Variants in NR5A2 observed in about 807,000 individuals in gnomAD.
NR5A2 encodes nuclear receptor subfamily 5 group A member 2, also known as CYP7A promoter-binding factor.
NR5A2 carries 26 observed loss-of-function variants against 62.7 expected under a neutral mutation model. That is an observed-to-expected ratio of 0.41 (90% CI 0.30 to 0.58). The LOEUF (loss-of-function observed/expected upper bound fraction) is 0.58. Ranked by LOEUF, NR5A2 falls within the 20% of genes least tolerant of loss-of-function variation. The probability of loss-of-function intolerance (pLI) is 0.22; values close to 1 mark genes in which losing one functional copy is unlikely to be tolerated. For synonymous variants in NR5A2, 246 were observed against 241.7 expected (o/e 1.02, Z -0.16); for missense variants, 541 against 669.1 (o/e 0.81, Z 2.11).
chr1:200,035,251 C>T (rs1235093404), intron 1 of NR5A2, among the ~76,000 whole-genome samples: 1 of 152,030 alleles, frequency 6.6e-6, no homozygotes, highest in Non-Finnish European at 1.5e-5. Context: ...TAAAAAGCAC[C>T]AAAAAGTGGG....
chr1:200,117,966 G>T (rs1324397848), intron 6 of NR5A2, among the ~76,000 whole-genome samples: 11 of 150,360 alleles, frequency 7.3e-5, no homozygotes, highest in Non-Finnish European at 1.6e-4. Context: ...CACCCGTCTC[G>T]GCCTCCCAAA....
chr1:200,068,998 G>A (rs976397625), intron 5 of NR5A2, among the ~76,000 whole-genome samples: 1 of 152,096 alleles, frequency 6.6e-6, no homozygotes, highest in African/African-American at 2.4e-5. Flanking sequence ...AGAAAGTCAT[G>A]CCTGGAGACT....
intron 7 of NR5A2, among the ~76,000 whole-genome samples, chr1:200,128,458 G>A (rs1666823659): frequency 6.6e-6 from 1 of 152,116 alleles, no homozygotes; most frequent in Non-Finnish European, 1.5e-5. Flanking sequence ...TCACCTCTTA[G>A]GTATGACGTT....
intron 5 of NR5A2, among the ~76,000 whole-genome samples, chr1:200,075,807 A>C (rs1416266927): frequency 6.6e-6 from 1 of 152,196 alleles, no homozygotes; most frequent in East Asian, 1.9e-4. Context: ...TACGAGCCTT[A>C]TATCGCCAGG....
rs752204054 is a variant in NR5A2, at chr1:200,111,291, A to G, written c.1200A>G (p.Glu400=). The change falls in exon 6 of 8, where the codon GAA becomes GAG. Residue 400 remains glutamate (E), a synonymous_variant. Transcript: ENST00000367362. ...HIYRQVVHGK[E]GSIFLVTGQQ... The stretch of plus-strand genomic sequence containing the variant: ...ACCGACAAGTGGTACATGGAAAGGA[A>G]GGATCCATCTTCCTGGTTACTGGGC... 3.7e-6 allele frequency: 6 copies of G among 1,612,364 alleles called. No homozygotes were observed. Among genetic ancestry groups the G allele is most frequent in the Non-Finnish European group, 5.1e-6 (6 of 1,179,434 alleles).
At position 200,061,578 on chromosome 1, in the gene NR5A2, C is replaced by T. The variant is rs1232793834; in HGVS notation, c.1110+12760C>T. On this transcript the variant is annotated intron_variant, in intron 5 of 7. Transcript: ENST00000367362. ...CAGGCGTGAGCCACTGCGCCCGACC[C>T]GGGATTAACTTTACAACCAAACTTG... Among the ~76,000 whole-genome samples the T allele has an allele frequency of 8.5e-5, 13 of 152,234 alleles. No individual in the cohort carries two copies. The South Asian group carries it at 1.7e-3, about 19-fold the overall frequency.
chr1:200,143,054 T>A (rs142515282), intron 7 of NR5A2, among the ~76,000 whole-genome samples: 526 of 152,320 alleles, frequency 3.5e-3, no homozygotes, highest in Middle Eastern at 0.031. Context: ...TATGTGTGTG[T>A]GTGTGTGGTT....
chr1:200,103,914 G>C (rs147227790), intron 5 of NR5A2, among the ~76,000 whole-genome samples: 1 of 152,200 alleles, frequency 6.6e-6, no homozygotes, highest in Non-Finnish European at 1.5e-5. Flanking sequence ...AGAGGGAGAA[G>C]TATGGAGATG....
chr1:200,128,535 A>T (rs1666826637), intron 7 of NR5A2, among the ~76,000 whole-genome samples: 1 of 152,222 alleles, frequency 6.6e-6, no homozygotes, highest in African/African-American at 2.4e-5. Context: ...ATATATGTCT[A>T]TTTTAGGATG....
intron 7 of NR5A2, among the ~76,000 whole-genome samples, chr1:200,172,950 A>G (rs1654248492): frequency 1.3e-5 from 2 of 152,180 alleles, no homozygotes; most frequent in Admixed American, 1.3e-4. Flanking sequence ...AAACACACAC[A>G]CGTATCTGTC....
In NR5A2 at chr1:200,045,531, G is replaced by A. The variant is rs781564092; in HGVS notation, c.410G>A (p.Arg137His). ...CAAATTGACAAAACACAGAGAAAGC[G>A]TTGTCCTTACTGTCGTTTTCAAAAA... ...NCQIDKTQRK[R>H]CPYCRFQKCL... is the part of the protein sequence containing the mutation. The change falls in exon 4 of 8, where the codon CGT becomes CAT. Residue 137 changes from arginine (R) to histidine (H), a missense_variant. Transcript: ENST00000367362. The A allele has an allele frequency of 8.1e-6, 13 of 1,613,240 alleles. No homozygotes were observed. Among genetic ancestry groups the A allele is most frequent in the African/African-American group, 1.3e-5 (1 of 75,006 alleles).
chr1:200,160,162 A>T (rs1328474247), intron 7 of NR5A2, among the ~76,000 whole-genome samples: 1 of 152,224 alleles, frequency 6.6e-6, no homozygotes, highest in East Asian at 1.9e-4. Flanking sequence ...TGCTACAAGC[A>T]ATCCCAACTG....
At chr1:200,079,111 G>A (rs780422579) in intron 5 of NR5A2, among the ~76,000 whole-genome samples, 57 of 152,168 alleles carry the variant, frequency 3.7e-4, no homozygotes, top group Non-Finnish European at 7.1e-4. Context: ...CAATTAGGGA[G>A]TCTCTGGGCT....
chr1:200,071,020 T>A (rs1663718445), intron 5 of NR5A2, among the ~76,000 whole-genome samples: 1 of 152,224 alleles, frequency 6.6e-6, no homozygotes, highest in Non-Finnish European at 1.5e-5. Flanking sequence ...CTACCTATTT[T>A]TCCAGATATA....
At chr1:200,043,712 C>A (rs1047225810) in intron 2 of NR5A2, 62 bp from the exon 3 acceptor site, 190 of 1,039,830 alleles carry the variant, frequency 1.8e-4, no homozygotes, top group Non-Finnish European at 2.4e-4. Context: ...CTTTTTGTTG[C>A]AGGATTAACA....
intron 5 of NR5A2, among the ~76,000 whole-genome samples, chr1:200,107,036 G>A (rs368415141): frequency 3.4e-4 from 52 of 152,258 alleles, no homozygotes; most frequent in East Asian, 1.9e-3. Context: ...TGGCGGGGGC[G>A]GCGTTGGGTG....
chr1:200,068,501 G>T (rs1385319776), intron 5 of NR5A2, among the ~76,000 whole-genome samples: 1 of 152,066 alleles, frequency 6.6e-6, no homozygotes, highest in Admixed American at 6.5e-5. Context: ...AGTTGAAAAG[G>T]CTTCTTGCCA....
At position 200,048,896 on chromosome 1, in the gene NR5A2, G is replaced by A; in HGVS notation, c.1110+78G>A. 1 of 1,505,894 alleles carries A rather than the reference G, an allele frequency of 6.6e-7. No individual in the cohort carries two copies. The highest frequency in any genetic ancestry group is 9.0e-7 in the Non-Finnish European group (1 of 1,106,050). The allele number at this position is 1,505,894 out of a possible 1,614,324, so 93.3% of individuals were successfully genotyped here. On this transcript the variant is annotated intron_variant, in intron 5 of 7. Coordinates refer to ENST00000367362, the MANE Select transcript of NR5A2 (RefSeq NM_205860.3). This position sits in a 1 kb window ranked among gnomAD's most constrained non-coding sequence, Gnocchi z 4.8. ...TATGTTCCTAATTAATACATTCTTG[G>A]TGCTGAAAATATGTGTTCCTTAATT...
chr1:200,107,785 G>A (rs1163491770), intron 5 of NR5A2, among the ~76,000 whole-genome samples: 2 of 151,394 alleles, frequency 1.3e-5, no homozygotes, highest in African/African-American at 4.9e-5. Flanking sequence ...GATTACAGGC[G>A]CCTGCCACCA....
Sources: allele counts gnomAD v4.1 joint callset (sites outside exome capture counted in the v4.1 genomes callset), GRCh38; gene constraint gnomAD v4.1.1; non-coding constraint Gnocchi (gnomAD v3.1); transcripts MANE v1.5; gene names NCBI Gene and HGNC (gene_info 2026-07-23, HGNC 2026-07-21).